Variants in PKD1L1 observed in about 807,000 individuals in gnomAD.
PKD1L1 encodes the protein polycystin-1-like protein 1.
A neutral mutation model predicts 323.4 loss-of-function variants in PKD1L1; 236 were observed. That is an observed-to-expected ratio of 0.73 (90% confidence interval 0.66 to 0.81). The LOEUF (loss-of-function observed/expected upper bound fraction) is 0.81, where lower values mean the gene tolerates loss of function less well. PKD1L1 is among the 40% of genes least tolerant of loss of function. The pLI, the probability that PKD1L1 is intolerant of heterozygous loss-of-function variation, is 0.00. For missense variants in PKD1L1, 3,320 were observed against 3,508.0 expected (o/e 0.95, Z 1.35); for synonymous variants, 1,344 against 1,335.0 (o/e 1.01, Z -0.15).
intron 37 of PKD1L1, among the ~76,000 whole-genome samples, chr7:47,836,659 A>G (rs1336051083): frequency 6.6e-6 from 1 of 152,162 alleles, no homozygotes; most frequent in Non-Finnish European, 1.5e-5. Context: ...CTCTCTGGAA[A>G]AGTTCTGCTG....
At chr7:47,857,479 G>C in intron 28 of PKD1L1, 126 bp downstream of exon 28, 1 of 727,582 alleles carries the variant, frequency 1.4e-6, no homozygotes, top group South Asian at 1.8e-5. Context: ...TTGGCACTGA[G>C]AGGGTGCAAA....
chr7:47,943,192 A>G (rs1237264317), intron 2 of PKD1L1, among the ~76,000 whole-genome samples: 1 of 125,228 alleles, frequency 8.0e-6, no homozygotes, highest in Non-Finnish European at 1.7e-5. Flanking sequence ...ATATATATAT[A>G]TATATGTGTG....
chr7:47,870,984 G>T (rs112970035), intron 24 of PKD1L1, among the ~76,000 whole-genome samples: 7 of 86,104 alleles, frequency 8.1e-5, no homozygotes, highest in South Asian at 4.6e-4. Flanking sequence ...AAAAAAAAAA[G>T]AAAAAAAAAA....
intron 52 of PKD1L1, among the ~76,000 whole-genome samples, chr7:47,806,025 G>T (rs1000078762): frequency 3.3e-5 from 5 of 152,204 alleles, no homozygotes; most frequent in African/African-American, 4.8e-5. Flanking sequence ...CTCTCCCCAG[G>T]TAAGTTTTTC....
chr7:47,783,219 G>C (rs1449762951), intron 56 of PKD1L1, among the ~76,000 whole-genome samples: 2 of 152,026 alleles, frequency 1.3e-5, no homozygotes, highest in African/African-American at 4.8e-5. Flanking sequence ...GTTATTACTT[G>C]ATCTTTTCCA....
At chr7:47,957,873 A>ATATATATATATATATC in the PKD1L1 span, among the ~76,000 whole-genome samples, 1 of 148,254 alleles carries the variant, frequency 6.7e-6, no homozygotes, top group Non-Finnish European at 1.5e-5. Context: ...ATATATATAT[A>ATATATATATATATATC]TATATCTAGA....
At chr7:47,794,716 C>T (rs1223003393) in intron 55 of PKD1L1, among the ~76,000 whole-genome samples, 1 of 152,170 alleles carries the variant, frequency 6.6e-6, no homozygotes, top group Non-Finnish European at 1.5e-5. Context: ...AATGCCAGCC[C>T]ATGAAAGCAG....
At chr7:47,910,786 A>G (rs1330675659) in intron 8 of PKD1L1, among the ~76,000 whole-genome samples, 1 of 150,048 alleles carries the variant, frequency 6.7e-6, no homozygotes, top group Non-Finnish European at 1.5e-5. Flanking sequence ...CCTCCCAAGT[A>G]GCTCGGATTA....
At chr7:47,876,628 C>A (rs901082730) in intron 22 of PKD1L1, among the ~76,000 whole-genome samples, 1 of 151,998 alleles carries the variant, frequency 6.6e-6, no homozygotes, top group Non-Finnish European at 1.5e-5. Flanking sequence ...TGGTCTGGGA[C>A]CTCTGGAGGA....
At chr7:47,881,496 A>G (rs1786552111) in intron 20 of PKD1L1, among the ~76,000 whole-genome samples, 1 of 152,206 alleles carries the variant, frequency 6.6e-6, no homozygotes, top group South Asian at 2.1e-4. Flanking sequence ...AAATACAACA[A>G]ATTGAGCAAA....
intron 27 of PKD1L1, 75 bp downstream of exon 27, chr7:47,858,598 G>T: frequency 7.2e-7 from 1 of 1,386,744 alleles, no homozygotes; most frequent in Non-Finnish European, 1.0e-6. Context: ...GTTTTGAGAA[G>T]CAATTACAAA....
In PKD1L1 at chr7:47,840,960, T is replaced by C. The variant is rs1007387055; in HGVS notation, c.5446-393A>G. ...GCCTGGACGCAGAGTAGGGTACCCA[T>C]GCACCTGTGGGCACACCCTGGGGAG... On this transcript the variant is annotated intron_variant, in intron 34 of 56. Transcript: ENST00000289672. The surrounding 1 kb of genome is among the most constrained non-coding windows in gnomAD (Gnocchi z 4.1). Among the ~76,000 whole-genome samples, 2 of 152,186 alleles carry C rather than the reference T, an allele frequency of 1.3e-5. No homozygotes were observed. Among genetic ancestry groups the C allele is most frequent in the Admixed American group, 1.3e-4 (2 of 15,270 alleles).
chr7:47,799,739 T>C (rs1784619646), intron 54 of PKD1L1, among the ~76,000 whole-genome samples: 1 of 152,194 alleles, frequency 6.6e-6, no homozygotes, highest in East Asian at 1.9e-4. Context: ...GTTCAGTAAG[T>C]GTGGACAGCA....
chr7:47,803,405 T>C, intron 52 of PKD1L1, 61 bp from the exon 53 acceptor site: 10 of 1,584,154 alleles, frequency 6.3e-6, no homozygotes, highest in Non-Finnish European at 8.6e-6. Context: ...TGCAGACATA[T>C]TCACAGCTGT....
Position 47,813,225 on chromosome 7 carries a change from A to G in PKD1L1, c.7242T>C (p.Pro2414=). Residue 2414 remains proline (P), a synonymous_variant, in exon 49 of 57, where the codon CCT becomes CCC. Transcript: ENST00000289672. ...CTGGGTCTATCAGGTAGGGGTTCTC[A>G]GGGCCTCCAACTTCGGGACTACATG... is the stretch of plus-strand genomic sequence containing the variant. ...IPTCSPEVGG[P]ENPYLIDPEN... The G allele has an allele frequency of 6.2e-7, 1 of 1,613,846 alleles. No homozygotes were observed. Among genetic ancestry groups the G allele is most frequent in the Non-Finnish European group, 8.5e-7 (1 of 1,179,716 alleles).
chr7:47,869,306 C>G (rs1375181518), intron 24 of PKD1L1, among the ~76,000 whole-genome samples: 1 of 152,114 alleles, frequency 6.6e-6, no homozygotes, highest in Non-Finnish European at 1.5e-5. Context: ...CATGATTCAA[C>G]CAAAAGGCAG....
intron 40 of PKD1L1, among the ~76,000 whole-genome samples, chr7:47,833,477 G>A (rs1349088242): frequency 6.6e-6 from 1 of 152,146 alleles, no homozygotes; most frequent in African/African-American, 2.4e-5. Flanking sequence ...GGAAATGTTG[G>A]TGGCCTAACA....
At chr7:47,808,920 C>A (rs948790912) in intron 51 of PKD1L1, among the ~76,000 whole-genome samples, 7 of 152,158 alleles carry the variant, frequency 4.6e-5, no homozygotes, top group Non-Finnish European at 7.3e-5. Flanking sequence ...TTTGTAAACA[C>A]GTTTTTCTTT....
chr7:47,912,968 CAG>C (rs1491304104), intron 8 of PKD1L1, among the ~76,000 whole-genome samples: 40 of 152,128 alleles, frequency 2.6e-4, no homozygotes, highest in African/African-American at 9.2e-4. Context: ...CTTCTTCAGA[CAG>C]AGTGTCAGGG....
Sources: allele counts gnomAD v4.1 joint callset (sites outside exome capture counted in the v4.1 genomes callset), GRCh38; gene constraint gnomAD v4.1.1; non-coding constraint Gnocchi (gnomAD v3.1); transcripts MANE v1.5; gene names NCBI Gene and HGNC (gene_info 2026-07-23, HGNC 2026-07-21).